DLGAP2: variants seen among roughly 807,000 people sequenced by gnomAD.
The protein encoded by DLGAP2 is DLG associated protein 2.
DLGAP2 carries 26 observed loss-of-function variants against 100.3 expected under a neutral mutation model. That is an observed-to-expected ratio of 0.26 (90% CI 0.19 to 0.36). The LOEUF (loss-of-function observed/expected upper bound fraction) is 0.36. Among genes scored for constraint, DLGAP2 ranks in the 10% least tolerant of loss-of-function variants. DLGAP2 has a pLI of 1.00. For synonymous variants in DLGAP2, 886 were observed against 630.1 expected (o/e 1.41, Z -6.08); for missense variants, 1,858 against 1,453.2 (o/e 1.28, Z -4.53).
At chr8:1,655,268 C>T (rs938004824) in intron 8 of DLGAP2, among the ~76,000 whole-genome samples, 3 of 152,154 alleles carry the variant, frequency 2.0e-5, no homozygotes, top group Non-Finnish European at 4.4e-5. Context: ...GTCAAAATGG[C>T]TTTGATCCTC....
chr8:828,439 A>G (rs1038067702), intron 1 of DLGAP2, among the ~76,000 whole-genome samples: 1 of 152,220 alleles, frequency 6.6e-6, no homozygotes, highest in African/African-American at 2.4e-5. Context: ...AAAGAAGAGA[A>G]ATATGGCTCT....
intron 2 of DLGAP2, among the ~76,000 whole-genome samples, chr8:1,202,565 C>A (rs948284102): frequency 1.3e-5 from 2 of 152,132 alleles, no homozygotes; most frequent in African/African-American, 4.8e-5. Context: ...AGAGGAATTC[C>A]CCAGGAGATG....
chr8:1,490,933 G>A (rs1799361604), intron 3 of DLGAP2, among the ~76,000 whole-genome samples: 1 of 150,360 alleles, frequency 6.7e-6, no homozygotes, highest in South Asian at 2.1e-4. Context: ...TAAATGATGA[G>A]TTAATGGGTG....
At chr8:1,359,080 A>C (rs544748838) in intron 3 of DLGAP2, among the ~76,000 whole-genome samples, 167 of 152,292 alleles carry the variant, frequency 1.1e-3, no homozygotes, top group Non-Finnish European at 1.9e-3. Flanking sequence ...CTGCATTTCT[A>C]GCAAATTCCC....
chr8:1,646,294 C>G (rs1411917174), intron 8 of DLGAP2, among the ~76,000 whole-genome samples: 1 of 152,308 alleles, frequency 6.6e-6, no homozygotes, highest in African/African-American at 2.4e-5. Context: ...GCTTGCCACT[C>G]TCCCTGCAGA....
At chr8:944,840 T>C (rs977164330) in intron 2 of DLGAP2, among the ~76,000 whole-genome samples, 3 of 151,140 alleles carry the variant, frequency 2.0e-5, no homozygotes, top group African/African-American at 7.3e-5. Flanking sequence ...TCCCTGCGGG[T>C]GATCCAGTGG....
At chr8:1,313,698 C>T (rs1800664100) in intron 3 of DLGAP2, among the ~76,000 whole-genome samples, 1 of 152,102 alleles carries the variant, frequency 6.6e-6, no homozygotes, top group Non-Finnish European at 1.5e-5. Flanking sequence ...ATGGTCACTA[C>T]AGGACAAAAG....
intron 4 of DLGAP2, among the ~76,000 whole-genome samples, chr8:1,509,553 G>A (rs927071914): frequency 3.9e-4 from 59 of 152,014 alleles, no homozygotes; most frequent in African/African-American, 3.4e-4. Flanking sequence ...AAAGGAAGTC[G>A]CTTTTGTGCT....
chr8:1,696,718 C>A (rs569106382), intron 13 of DLGAP2, among the ~76,000 whole-genome samples: 1 of 152,270 alleles, frequency 6.6e-6, no homozygotes, highest in African/African-American at 2.4e-5. Flanking sequence ...AGCTAAGAGC[C>A]GTCAGAGAAC....
chr8:1,255,002 C>G (rs1799150569), intron 2 of DLGAP2, among the ~76,000 whole-genome samples: 2 of 93,988 alleles, frequency 2.1e-5, no homozygotes, highest in South Asian at 3.8e-4. Flanking sequence ...GTCCTCTCAT[C>G]CTGCTTGGGC....
chr8:1,006,423 T>C (rs1801111523), intron 2 of DLGAP2, among the ~76,000 whole-genome samples: 1 of 146,488 alleles, frequency 6.8e-6, no homozygotes, highest in Admixed American at 6.9e-5. Flanking sequence ...GATGTGGTCC[T>C]TTATCACGTC....
At chr8:1,288,669 TTTCGG>T (rs1799992849) in intron 3 of DLGAP2, among the ~76,000 whole-genome samples, 1 of 146,380 alleles carries the variant, frequency 6.8e-6, no homozygotes, top group East Asian at 2.0e-4. Flanking sequence ...GGGGAACTTG[TTTCGG>T]TTCAGTGTGT....
chr8:1,303,163 C>T (rs75245581), intron 3 of DLGAP2, among the ~76,000 whole-genome samples: 7,483 of 152,068 alleles, frequency 0.049, 583 homozygotes, highest in African/African-American at 0.16. Flanking sequence ...TTTGGAAGGC[C>T]GAGGCGGGTG....
intron 1 of DLGAP2, among the ~76,000 whole-genome samples, chr8:889,804 A>C (rs1328773795): frequency 6.6e-6 from 1 of 152,178 alleles, no homozygotes; most frequent in East Asian, 1.9e-4. Context: ...TCCCCCCAGG[A>C]GTTCTGTAGG....
At chr8:1,610,658 AAAAAGAG>A (rs1796966129) in intron 6 of DLGAP2, among the ~76,000 whole-genome samples, 1 of 130,394 alleles carries the variant, frequency 7.7e-6, no homozygotes, top group African/African-American at 3.3e-5. Context: ...TAATAAAGAA[AAAAAGAG>A]AGAAGAATCA....
At chr8:1,167,489 A>G (rs1797040432) in intron 2 of DLGAP2, among the ~76,000 whole-genome samples, 1 of 152,196 alleles carries the variant, frequency 6.6e-6, no homozygotes, top group South Asian at 2.1e-4. Flanking sequence ...TGGTGTTTCT[A>G]CATGAATGAC....
intron 6 of DLGAP2, among the ~76,000 whole-genome samples, chr8:1,597,987 A>G (rs1796511168): frequency 6.6e-6 from 1 of 152,192 alleles, no homozygotes; most frequent in Non-Finnish European, 1.5e-5. Context: ...CCCATTCAGT[A>G]TGATATTGGC....
intron 1 of DLGAP2, among the ~76,000 whole-genome samples, chr8:867,149 G>T (rs1797514056): frequency 6.6e-6 from 1 of 152,244 alleles, no homozygotes; most frequent in Non-Finnish European, 1.5e-5. Context: ...TCTCAGTTCA[G>T]ACACGGAGTT....
chr8:847,508 T>C (rs1227872687), intron 1 of DLGAP2, among the ~76,000 whole-genome samples: 2 of 152,234 alleles, frequency 1.3e-5, no homozygotes, highest in Non-Finnish European at 2.9e-5. Flanking sequence ...TTTTTTCTTT[T>C]CTTTTTTTTT....
Sources: gnomAD v4.1 joint callset for allele counts (sites outside exome capture counted in the v4.1 genomes callset) on GRCh38, gnomAD v4.1.1 for gene constraint, MANE v1.5 for transcripts, NCBI Gene and HGNC (gene_info 2026-07-23, HGNC 2026-07-21) for gene names.